The following RGPD2 variants were observed in gnomAD, a reference collection of about 807,000 sequenced individuals.
The protein encoded by RGPD2 is RANBP2-like and GRIP domain-containing protein 2.
A neutral mutation model predicts 36.0 loss-of-function variants in RGPD2; 2 were observed. The observed-to-expected ratio is 0.06, with a 90% CI of 0.02 to 0.17. The LOEUF is 0.17. RGPD2 is among the 10% of genes least tolerant of loss of function. The probability of loss-of-function intolerance (pLI) is 1.00; values close to 1 mark genes in which losing one functional copy is unlikely to be tolerated. For missense variants in RGPD2, 40 were observed against 464.3 expected (o/e 0.09, Z 8.40); for synonymous variants, 19 against 163.8 (o/e 0.12, Z 6.75).
the RGPD2 span, among the ~76,000 whole-genome samples, chr2:87,970,093 C>A: frequency 6.6e-6 from 1 of 150,868 alleles, no homozygotes; most frequent in Non-Finnish European, 1.5e-5. Context: ...TGTTTTATAC[C>A]ATGAAGTTTT....
rs760134069 is a variant in RGPD2, at chr2:87,825,224, G to T, written c.72+434C>A. 39 of 394,316 alleles carry T rather than the reference G, an allele frequency of 9.9e-5. No individual in the cohort carries two copies. In the Middle Eastern group the frequency reaches 1.9e-3, roughly 19 times the overall value. The allele number at this position is 394,316 out of a possible 1,614,324, so 24.4% of individuals were successfully genotyped here. On this transcript the variant is annotated intron_variant, in intron 1 of 22. Transcript: ENST00000398146. Reference sequence around the variant, plus strand: ...ACCTCCAAATACCTCATCAACAACCGACTAATTACCACCCAACAATGACTA... The same window carrying T: ...ACCTCCAAATACCTCATCAACAACCTACTAATTACCACCCAACAATGACTA...
upstream of RGPD2, among the ~76,000 whole-genome samples, chr2:87,829,544 T>G (rs1686918316): frequency 6.6e-6 from 1 of 151,860 alleles, no homozygotes; most frequent in East Asian, 1.9e-4. Flanking sequence ...TCCACATGGC[T>G]GGGGAGGCCT....
intron 6 of RGPD2, among the ~76,000 whole-genome samples, chr2:87,809,348 C>T (rs1686069921): frequency 6.7e-6 from 1 of 150,042 alleles, no homozygotes; most frequent in South Asian, 2.2e-4. Flanking sequence ...CATGATGAAA[C>T]CCTGTTTCTA....
At chr2:87,948,216 G>T in the RGPD2 span, among the ~76,000 whole-genome samples, 21 of 152,046 alleles carry the variant, frequency 1.4e-4, no homozygotes, top group African/African-American at 4.8e-4. Context: ...TCTCCTTACT[G>T]ATAAAATGGG....
the RGPD2 span, among the ~76,000 whole-genome samples, chr2:87,853,322 A>C: frequency 2.6e-5 from 4 of 152,190 alleles, no homozygotes; most frequent in East Asian, 7.7e-4. Context: ...TCTCACGCTC[A>C]ACTGTTCCTC....
At chr2:87,973,221 T>G in the RGPD2 span, 1,670 of 1,607,526 alleles carry the variant, frequency 1.0e-3, 17 homozygotes, top group African/African-American at 0.02. Flanking sequence ...GTGCCCTCCC[T>G]CATCAGGAGG....
the RGPD2 span, among the ~76,000 whole-genome samples, chr2:87,911,276 C>T: frequency 7.0e-5 from 10 of 142,302 alleles, no homozygotes; most frequent in African/African-American, 2.6e-4. Context: ...CCTGTGTTTA[C>T]TTTTGACTAG....
At chr2:87,876,134 A>G in the RGPD2 span, among the ~76,000 whole-genome samples, 3 of 146,542 alleles carry the variant, frequency 2.0e-5, no homozygotes, top group Non-Finnish European at 4.5e-5. Flanking sequence ...AGTCTATTTT[A>G]TTTTATTTTA....
the RGPD2 span, among the ~76,000 whole-genome samples, chr2:87,877,050 T>G: frequency 6.6e-6 from 1 of 152,306 alleles, no homozygotes; most frequent in Non-Finnish European, 1.5e-5. Context: ...CTGTCCATTT[T>G]CTTGGTAGAT....
At chr2:87,842,786 C>A in the RGPD2 span, among the ~76,000 whole-genome samples, 1 of 151,874 alleles carries the variant, frequency 6.6e-6, no homozygotes, top group Non-Finnish European at 1.5e-5. Context: ...AAGCTGGAGG[C>A]ATCACACTAC....
the RGPD2 span, among the ~76,000 whole-genome samples, chr2:87,922,069 G>A: frequency 1.3e-5 from 2 of 151,334 alleles, no homozygotes; most frequent in African/African-American, 2.4e-5. Flanking sequence ...TGAGGCGGGC[G>A]GATCACAAGG....
chr2:87,876,321 G>A, the RGPD2 span, among the ~76,000 whole-genome samples: 7 of 151,306 alleles, frequency 4.6e-5, no homozygotes, highest in African/African-American at 7.3e-5. Context: ...TGTGATGTTA[G>A]GTTGTTAACT....
chr2:87,883,153 A>G, the RGPD2 span, among the ~76,000 whole-genome samples: 1 of 152,152 alleles, frequency 6.6e-6, no homozygotes. Flanking sequence ...AAAAAGATGT[A>G]AAGTATAACA....
At chr2:87,888,284 C>A in the RGPD2 span, among the ~76,000 whole-genome samples, 1 of 151,750 alleles carries the variant, frequency 6.6e-6, no homozygotes, top group African/African-American at 2.4e-5. Flanking sequence ...AAGGATTTAA[C>A]GATGCTGCTA....
the RGPD2 span, among the ~76,000 whole-genome samples, chr2:87,834,258 T>A: frequency 6.6e-6 from 1 of 151,920 alleles, no homozygotes; most frequent in East Asian, 1.9e-4. Context: ...TTATATCATA[T>A]TTATTGGTGA....
At chr2:87,988,819 G>C in the RGPD2 span, among the ~76,000 whole-genome samples, 1 of 151,862 alleles carries the variant, frequency 6.6e-6, no homozygotes, top group South Asian at 2.1e-4. Context: ...GGGATTACAG[G>C]TGTGAGCCAC....
chr2:87,952,034 C>T, the RGPD2 span, among the ~76,000 whole-genome samples: 1 of 152,260 alleles, frequency 6.6e-6, no homozygotes, highest in Non-Finnish European at 1.5e-5. Context: ...GAGTTGTATG[C>T]TCACCAACAG....
the RGPD2 span, among the ~76,000 whole-genome samples, chr2:87,857,175 G>A: frequency 3.9e-5 from 6 of 152,178 alleles, no homozygotes; most frequent in African/African-American, 7.2e-5. Flanking sequence ...GAATTCTTAT[G>A]AAAGACAAAT....
At chr2:87,769,332 T>C (rs1460078722) in intron 22 of RGPD2, among the ~76,000 whole-genome samples, 1 of 152,136 alleles carries the variant, frequency 6.6e-6, no homozygotes, top group Non-Finnish European at 1.5e-5. Context: ...ATCATTGTTT[T>C]TAATTGTAAT....
Sources: gnomAD v4.1 joint callset for allele counts (sites outside exome capture counted in the v4.1 genomes callset) on GRCh38, gnomAD v4.1.1 for gene constraint, MANE v1.5 for transcripts, NCBI Gene and HGNC (gene_info 2026-07-23, HGNC 2026-07-21) for gene names.